Variants in HS6ST2 observed in about 807,000 individuals in gnomAD.
HS6ST2 encodes heparan sulfate 6-O-sulfotransferase 2.
In HS6ST2, 17 loss-of-function variants were observed where a neutral mutation model predicts 33.0. The observed-to-expected ratio is 0.52, with a 90% CI of 0.35 to 0.77. The LOEUF is 0.77. Among genes scored for constraint, HS6ST2 ranks in the 30% least tolerant of loss-of-function variants. HS6ST2 has a pLI of 0.01. For missense variants in HS6ST2, 519 were observed against 551.7 expected (o/e 0.94, Z 0.59); for synonymous variants, 248 against 237.1 (o/e 1.05, Z -0.42).
chrX:132,680,767 C>T (rs906851643), intron 3 of HS6ST2, among the ~76,000 whole-genome samples: 16 of 110,224 alleles, frequency 1.5e-4, no homozygotes, highest in Admixed American at 8.7e-4. Context: ...GAGGCTGAGT[C>T]GGTGGATCAC....
At chrX:132,674,638 T>C (rs1451065987) in intron 3 of HS6ST2, among the ~76,000 whole-genome samples, 1 of 112,143 alleles carries the variant, frequency 8.9e-6, no homozygotes, top group Non-Finnish European at 1.9e-5. Flanking sequence ...GAATGCCTCA[T>C]TGGGATCAAG....
At chrX:132,825,721 G>A (rs143151287) in intron 2 of HS6ST2, among the ~76,000 whole-genome samples, 213 of 110,669 alleles carry the variant, frequency 1.9e-3, no homozygotes, top group Admixed American at 5.3e-3. Context: ...TGCTAGCTGC[G>A]ATTATTATTT....
chrX:132,961,163 A>G (rs1185016112), upstream of HS6ST2: 1 of 108,800 alleles, frequency 9.2e-6, no homozygotes, highest in African/African-American at 3.4e-5. Context: ...AACTGGCCGA[A>G]CTGTCAAGTG....
At chrX:132,691,755 A>G (rs1356507132) in intron 3 of HS6ST2, among the ~76,000 whole-genome samples, 2 of 112,192 alleles carry the variant, frequency 1.8e-5, no homozygotes, top group African/African-American at 6.5e-5. Flanking sequence ...AAATCCAGGC[A>G]GTTTCTCCCC....
At chrX:132,845,289 T>C (rs1266519856) in intron 2 of HS6ST2, among the ~76,000 whole-genome samples, 1 of 110,079 alleles carries the variant, frequency 9.1e-6, no homozygotes, top group Non-Finnish European at 1.9e-5. Flanking sequence ...TTCAATTATA[T>C]GTGAATGTGT....
At chrX:132,882,398 G>T (rs1375960785) in intron 2 of HS6ST2, among the ~76,000 whole-genome samples, 1 of 107,091 alleles carries the variant, frequency 9.3e-6, no homozygotes, top group Non-Finnish European at 1.9e-5. Context: ...TTGTGAATGG[G>T]AGTTCACTCA....
intron 2 of HS6ST2, among the ~76,000 whole-genome samples, chrX:132,717,313 G>A (rs2064284106): frequency 8.9e-6 from 1 of 112,783 alleles, no homozygotes; most frequent in Non-Finnish European, 1.9e-5. Context: ...AAGCATAGGA[G>A]TTGATGGAAC....
At chrX:132,932,625 C>A (rs1569504870) in intron 2 of HS6ST2, among the ~76,000 whole-genome samples, 2 of 110,376 alleles carry the variant, frequency 1.8e-5, no homozygotes, top group African/African-American at 3.3e-5. Flanking sequence ...GTGACCCATA[C>A]ACAAGAGAAA....
At chrX:132,867,614 C>T (rs980989412) in intron 2 of HS6ST2, among the ~76,000 whole-genome samples, 3 of 110,172 alleles carry the variant, frequency 2.7e-5, no homozygotes, top group African/African-American at 3.3e-5. Context: ...TGGTCCTGAA[C>T]TGTTTTTGGT....
intron 2 of HS6ST2, among the ~76,000 whole-genome samples, chrX:132,876,618 C>T (rs943725872): frequency 7.3e-5 from 8 of 110,303 alleles, no homozygotes; most frequent in African/African-American, 2.0e-4. Flanking sequence ...GGGAGGGAGG[C>T]GAGTGCACAG....
intron 2 of HS6ST2, among the ~76,000 whole-genome samples, chrX:132,824,929 T>C (rs1215648858): frequency 8.9e-6 from 1 of 112,388 alleles, no homozygotes; most frequent in Non-Finnish European, 1.9e-5. Flanking sequence ...CATCTCTTAA[T>C]TCAGGGATAC....
intron 2 of HS6ST2, among the ~76,000 whole-genome samples, chrX:132,940,295 A>AAAATTAAC (rs2066873282): frequency 8.9e-6 from 1 of 112,459 alleles, no homozygotes; most frequent in South Asian, 3.6e-4. Context: ...AATATGCACA[A>AAAATTAAC]AAATTAACCT....
intron 2 of HS6ST2, among the ~76,000 whole-genome samples, chrX:132,949,128 G>A (rs764717735): frequency 6.3e-5 from 7 of 110,907 alleles, no homozygotes; most frequent in African/African-American, 2.0e-4. Context: ...TCTGCTGGAC[G>A]AGAGCAACAC....
chrX:132,819,100 A>G (rs187692802), intron 2 of HS6ST2, among the ~76,000 whole-genome samples: 101 of 111,314 alleles, frequency 9.1e-4, no homozygotes, highest in South Asian at 1.9e-3. Context: ...CAAGTTTAAA[A>G]TCAGTAATGC....
At chrX:132,685,503 T>C (rs1463329994) in intron 3 of HS6ST2, among the ~76,000 whole-genome samples, 1 of 111,534 alleles carries the variant, frequency 9.0e-6, no homozygotes, top group Non-Finnish European at 1.9e-5. Context: ...CGAGGGCCTG[T>C]GTTGTACCCA....
At chrX:132,937,203 A>G (rs1273007522) in intron 2 of HS6ST2, among the ~76,000 whole-genome samples, 1 of 112,279 alleles carries the variant, frequency 8.9e-6, no homozygotes, top group African/African-American at 3.2e-5. Flanking sequence ...AAGAAGACAC[A>G]AAAAAGGAAA....
intron 2 of HS6ST2, among the ~76,000 whole-genome samples, chrX:132,826,336 G>T (rs1403273487): frequency 2.7e-5 from 3 of 111,144 alleles, no homozygotes. Context: ...CAATATGATC[G>T]CCAGTAGCCA....
chrX:132,812,405 A>AAATAATAATAACAATAAT (rs373934376), intron 2 of HS6ST2, among the ~76,000 whole-genome samples: 465 of 84,910 alleles, frequency 5.5e-3, no homozygotes, highest in Non-Finnish European at 7.4e-3. Flanking sequence ...ACTCTGTCTC[A>AAATAATAATAACAATAAT]AATAATAATA....
chrX:132,932,039 A>C (rs2066774601), intron 2 of HS6ST2, among the ~76,000 whole-genome samples: 1 of 109,509 alleles, frequency 9.1e-6, no homozygotes, highest in Admixed American at 9.7e-5. Flanking sequence ...ACAAAAAATT[A>C]GCCGGGCGTG....
Sources: allele counts gnomAD v4.1 joint callset (sites outside exome capture counted in the v4.1 genomes callset), GRCh38; gene constraint gnomAD v4.1.1; transcripts MANE v1.5; gene names NCBI Gene and HGNC (gene_info 2026-07-23, HGNC 2026-07-21).